The following ZNF813 variants were observed in gnomAD, a reference collection of about 807,000 sequenced individuals.
The protein encoded by ZNF813 is zinc finger protein 813.
In ZNF813, 3 loss-of-function variants were observed where a neutral mutation model predicts 7.2. The observed-to-expected ratio is 0.42, with a 90% CI of 0.19 to 1.08. The LOEUF (loss-of-function observed/expected upper bound fraction) is 1.08, where lower values mean the gene tolerates loss of function less well. Ranked by LOEUF, ZNF813 falls within the 50% of genes least tolerant of loss-of-function variation. The pLI, the probability that ZNF813 is intolerant of heterozygous loss-of-function variation, is 0.30. For synonymous variants in ZNF813, 227 were observed against 256.3 expected, an observed-to-expected ratio of 0.89 and a Z score of 1.09; for missense variants, 714 against 753.3, an observed-to-expected ratio of 0.95 and a Z score of 0.61.
At chr19:53,476,353 G>A (rs979145888) in intron 1 of ZNF813, among the ~76,000 whole-genome samples, 10 of 151,686 alleles carry the variant, frequency 6.6e-5, no homozygotes, top group Non-Finnish European at 1.3e-4. Flanking sequence ...GGAGAGAACC[G>A]GGCATGGTGG....
chr19:53,489,268 A>G (rs1453659012), intron 3 of ZNF813, among the ~76,000 whole-genome samples: 2 of 152,140 alleles, frequency 1.3e-5, no homozygotes, highest in Non-Finnish European at 2.9e-5. Context: ...TGGCCTCCCA[A>G]AGTGCTAGGA....
intron 1 of ZNF813, among the ~76,000 whole-genome samples, chr19:53,482,134 G>C (rs1383387419): frequency 6.6e-6 from 1 of 152,186 alleles, no homozygotes; most frequent in African/African-American, 2.4e-5. Context: ...TTTCTCATGG[G>C]AGAGGGGAGT....
intron 1 of ZNF813, chr19:53,480,185 A>G (rs2086401009): frequency 1.3e-6 from 1 of 757,726 alleles, no homozygotes. Context: ...CTGAGGGCTG[A>G]TCTTCAATTG....
chr19:53,468,475 CGG>C (rs1239067496), intron 1 of ZNF813, among the ~76,000 whole-genome samples: 1 of 152,136 alleles, frequency 6.6e-6, no homozygotes, highest in African/African-American at 2.4e-5. Context: ...TACGGAGGAC[CGG>C]CACCAGTGCC....
At chr19:53,482,241 T>G (rs1239750923) in intron 1 of ZNF813, among the ~76,000 whole-genome samples, 1 of 152,146 alleles carries the variant, frequency 6.6e-6, no homozygotes, top group Non-Finnish European at 1.5e-5. Context: ...AGTTGTAGAC[T>G]CAGACACAGA....
intron 1 of ZNF813, among the ~76,000 whole-genome samples, chr19:53,476,701 T>A (rs1480773457): frequency 1.3e-5 from 2 of 151,964 alleles, no homozygotes; most frequent in African/African-American, 4.8e-5. Context: ...TCGCCGACGC[T>A]TAAGTGCAGT....
Position 53,490,821 on chromosome 19 carries a change from C to T in ZNF813, c.589C>T (p.Arg197Trp), listed in dbSNP as rs1285563398. The change falls in exon 4 of 4, where the codon CGG (arginine) becomes TGG (tryptophan). Residue 197 changes from arginine to tryptophan, a missense_variant. By Grantham distance (101) the Arg-to-Trp change is moderately radical (BLOSUM62 -3). Transcript: ENST00000396403. The stretch of plus-strand genomic sequence containing the variant: ...TTCTAATAACTATGGGAATAATTTC[C>T]GGAATTCTTCGTTACTCACACAAAA... The part of the protein sequence containing the change: ...HISNNYGNNF[R>W]NSSLLTQKQE... 11 of 1,613,996 alleles carry T rather than the reference C, an allele frequency of 6.8e-6. No homozygotes were observed. Among genetic ancestry groups the T allele is most frequent in the South Asian group, 4.4e-5 (4 of 91,082 alleles).
intron 1 of ZNF813, chr19:53,479,741 T>C (rs2086398429): frequency 8.0e-7 from 1 of 1,256,866 alleles, no homozygotes; most frequent in East Asian, 2.3e-5. Flanking sequence ...GGCTCGTAAG[T>C]TGGTGATCAT....
chr19:53,491,421 A>T lies in ZNF813; in HGVS notation c.1189A>T (p.Thr397Ser). 1 of 1,612,894 alleles carries T rather than the reference A, an allele frequency of 6.2e-7. No homozygotes were observed. Among genetic ancestry groups the T allele is most frequent in the Non-Finnish European group, 8.5e-7 (1 of 1,179,690 alleles). Reference protein sequence around the residue: ...ECGKTFSQELTLKCHRRLHTG... With the variant: ...ECGKTFSQELSLKCHRRLHTG... ...TGGCAAGACCTTCAGTCAGGAGTTA[A>T]CCCTTAAATGCCATCGTAGACTTCA... is the stretch of plus-strand genomic sequence containing the variant. Residue 397 changes from threonine to serine, a missense_variant, in exon 4 of 4, where the codon ACC becomes TCC. Around this residue, in one of 3 missense-constraint regions of ZNF813, gnomAD observed 563 missense variants for 554.2 expected, o/e 1.02. Coordinates refer to ENST00000396403, the MANE Select transcript of ZNF813 (RefSeq NM_001004301.4).
intron 1 of ZNF813, among the ~76,000 whole-genome samples, chr19:53,473,797 A>G (rs1227621448): frequency 6.6e-6 from 1 of 152,110 alleles, no homozygotes. Context: ...GATCACTTTT[A>G]ATTTGACTTA....
At position 53,491,033 on chromosome 19, in the gene ZNF813, G is replaced by T. The variant is rs374977338; in HGVS notation, c.801G>T (p.Gly267=). 7.2e-5 allele frequency: 117 copies of T among 1,614,082 alleles called. No individual in the cohort carries two copies. In the Middle Eastern group the frequency reaches 8.2e-4, roughly 11 times the overall value. ...TGTGCCATCGTAGATGTCACACTGG[G>T]GAGAAACCTTACAGGTGTAATGAGT... ...NLVCHRRCHT[G]EKPYRCNECG... Residue 267 remains glycine, a synonymous_variant, in exon 4 of 4, where the codon GGG becomes GGT. Transcript: ENST00000396403.
rs936664015 is a variant in ZNF813, at chr19:53,492,724, G to A, written c.*638G>A. 1.4e-4 allele frequency: 95 copies of A among 695,968 alleles called. No homozygotes were observed. Among genetic ancestry groups the A allele is most frequent in the Admixed American group, 4.0e-4 (20 of 50,490 alleles). The allele number at this position is 695,968 out of a possible 1,614,324, so 43.1% of individuals were successfully genotyped here. A position where few individuals can be genotyped will look rare whatever the true frequency, so the allele number is the denominator to read the frequency against. On this transcript the variant is annotated 3_prime_UTR_variant, in exon 4 of 4. Coordinates refer to ENST00000396403, the MANE Select transcript of ZNF813 (RefSeq NM_001004301.4). ...GAGAGATCATACAAGTGTAATAATC[G>A]GCAAATTTTTCAGACATCGTCCATA...
Position 53,468,231 on chromosome 19 carries a change from CCA to C in ZNF813, c.-74+444_-74+445del, listed in dbSNP as rs772827616. On this transcript the variant is annotated intron_variant, in intron 1 of 3. Coordinates refer to ENST00000396403, the MANE Select transcript of ZNF813 (RefSeq NM_001004301.4). ...AAGGCGCCCTCGCGCCCCCCCCCCCCCACCTCCCTCCTCCTGCCGGGCCCTGC... is the reference window on the plus strand; with the variant it reads ...AAGGCGCCCTCGCGCCCCCCCCCCCCCCTCCCTCCTCCTGCCGGGCCCTGC... Among the ~76,000 whole-genome samples, 130 of 92,934 alleles carry C rather than the reference CCA, an allele frequency of 1.4e-3. 2 individuals carry two copies. The highest frequency in any genetic ancestry group is 5.3e-3 in the South Asian group (14 of 2,618). 61.0% of individuals were successfully genotyped at this position (92,934 alleles called of 152,430 possible).
intron 1 of ZNF813, among the ~76,000 whole-genome samples, chr19:53,475,970 C>T (rs990900059): frequency 2.6e-5 from 4 of 152,076 alleles, no homozygotes; most frequent in African/African-American, 9.7e-5. Context: ...TTCCTATTAA[C>T]GACTTAGCCA....
At position 53,478,891 on chromosome 19, in the gene ZNF813, C is replaced by CT. The variant is rs202191313; in HGVS notation, c.-73-4846dup. On this transcript the variant is annotated intron_variant, in intron 1 of 3. Transcript: ENST00000396403. ...TATTTTCTTTGTTTCCTCTTCATTG[C>CT]TTTTTTTTTTTTTCAGTTTGAGATA... 4.2e-3 allele frequency among the ~76,000 whole-genome samples: 577 copies of CT among 136,644 alleles called. 3 individuals are homozygous for CT. Among genetic ancestry groups the CT allele is most frequent in the African/African-American group, 0.013 (484 of 37,720 alleles). 89.6% of individuals were successfully genotyped at this position (136,644 alleles called of 152,430 possible).
At chr19:53,480,436 T>A (rs2086402934) in intron 1 of ZNF813, among the ~76,000 whole-genome samples, 1 of 152,148 alleles carries the variant, frequency 6.6e-6, no homozygotes, top group African/African-American at 2.4e-5. Flanking sequence ...CTCACATCAT[T>A]TTTTTTCTGT....
chr19:53,481,568 C>G (rs1382023617), intron 1 of ZNF813, among the ~76,000 whole-genome samples: 1 of 151,920 alleles, frequency 6.6e-6, no homozygotes, highest in Non-Finnish European at 1.5e-5. Context: ...AGGCTCGTCT[C>G]AAACTCCTGA....
intron 1 of ZNF813, among the ~76,000 whole-genome samples, chr19:53,477,648 C>A (rs1022841768): frequency 1.0e-5 from 1 of 98,902 alleles, no homozygotes; most frequent in African/African-American, 4.8e-5. Flanking sequence ...AGACCCCCAT[C>A]TCTGCCAAAA....
Position 53,492,437 on chromosome 19 carries a change from A to T in ZNF813, c.*351A>T, listed in dbSNP as rs2708844. 0.19 allele frequency: 78,201 copies of T among 421,020 alleles called. 8,396 individuals carry two copies. Among genetic ancestry groups the T allele is most frequent in the African/African-American group, 0.38 (18,356 of 48,936 alleles). 26.1% of individuals were successfully genotyped at this position (421,020 alleles called of 1,614,324 possible). On this transcript the variant is annotated 3_prime_UTR_variant, in exon 4 of 4. Coordinates refer to ENST00000396403, the MANE Select transcript of ZNF813 (RefSeq NM_001004301.4). ...TCAAACCTTGAAAGACATAAAATAA[A>T]TCATACTGCAGAGAAACCATAAAAT...
Sources: allele counts gnomAD v4.1 joint callset (sites outside exome capture counted in the v4.1 genomes callset), GRCh38; gene constraint gnomAD v4.1.1; regional missense constraint gnomAD v4.1.1; transcripts MANE v1.5; gene names NCBI Gene and HGNC (gene_info 2026-07-23, HGNC 2026-07-21).